HNF4A: variants seen among roughly 807,000 people sequenced by gnomAD.
HNF4A encodes the protein hepatocyte nuclear factor 4-alpha.
HNF4A carries 15 observed loss-of-function variants against 52.4 expected under a neutral mutation model. The observed-to-expected ratio is 0.29, with a 90% CI of 0.19 to 0.44. The LOEUF (loss-of-function observed/expected upper bound fraction) is 0.44. Among genes scored for constraint, HNF4A ranks in the 20% least tolerant of loss-of-function variants. HNF4A has a pLI of 1.00. For missense variants in HNF4A, 479 were observed against 647.2 expected (o/e 0.74, Z 2.82); for synonymous variants, 280 against 264.4 (o/e 1.06, Z -0.57).
chr20:44,413,746 C>T lies in HNF4A; in HGVS notation c.438C>T (p.Asp146=), dbSNP rs2063619661. 6.2e-7 allele frequency: 1 copy of T among 1,613,854 alleles called. No individual in the cohort carries two copies. The change falls in exon 4 of 10, where the codon GAC becomes GAT. Residue 146 remains aspartate (D), a synonymous_variant. Transcript: ENST00000316099. ...GCACTCGAAGGTCAAGCTATGAGGA[C>T]AGCAGCCTGCCCTCCATCAATGCGC...
chr20:44,382,501 C>A (rs2063168175), intron 1 of HNF4A, among the ~76,000 whole-genome samples: 1 of 152,050 alleles, frequency 6.6e-6, no homozygotes, highest in Non-Finnish European at 1.5e-5. Context: ...CCTCCCAAAG[C>A]GCCAGGATTA....
intron 1 of HNF4A, 81 bp from the exon 2 acceptor site, chr20:44,405,977 T>C: frequency 1.4e-6 from 2 of 1,380,462 alleles, no homozygotes; most frequent in South Asian, 2.3e-5. Flanking sequence ...GCCGAAGCCC[T>C]GGAGAGATCC....
chr20:44,418,695 G>C (rs1877166654), intron 6 of HNF4A, among the ~76,000 whole-genome samples, 183 bp downstream of exon 6: 1 of 152,248 alleles, frequency 6.6e-6, no homozygotes, highest in Non-Finnish European at 1.5e-5. Flanking sequence ...ACCCCACTCA[G>C]ATGCAAGGAA....
Position 44,429,771 on chromosome 20 carries a change from C to A in HNF4A, c.*106C>A. On this transcript the variant is annotated 3_prime_UTR_variant, in exon 10 of 10. Transcript: ENST00000316099. ...AGGAAGACGTGATGCCAGGACCAGT[C>A]CCAGAGCAGGAATGGGAAGGATGAA... is the stretch of plus-strand genomic sequence containing the variant. 1 of 1,197,624 alleles carries A rather than the reference C, an allele frequency of 8.3e-7. No homozygotes were observed. The highest frequency in any genetic ancestry group is 1.3e-5 in the South Asian group (1 of 77,696). The allele number at this position is 1,197,624 out of a possible 1,614,324, so 74.2% of individuals were successfully genotyped here.
chr20:44,410,416 G>A (rs527462129), intron 3 of HNF4A, among the ~76,000 whole-genome samples: 2 of 152,278 alleles, frequency 1.3e-5, no homozygotes, highest in East Asian at 3.9e-4. Flanking sequence ...GAGTGACAAA[G>A]TGTTCAGTTG....
Position 44,401,262 on chromosome 20 carries a change from A to G in HNF4A, c.-111A>G. On this transcript the variant is annotated 5_prime_UTR_variant, in exon 1 of 10. Transcript: ENST00000316099. The stretch of plus-strand genomic sequence containing the variant: ...GCAGATCTTCCCAGAGGACGGTTTG[A>G]AAGGAAGGCAGAGAGGGCACTGGGA... 1 of 1,585,846 alleles carries G rather than the reference A, an allele frequency of 6.3e-7. No homozygotes were observed. Among genetic ancestry groups the G allele is most frequent in the Non-Finnish European group, 8.5e-7 (1 of 1,170,506 alleles).
At chr20:44,407,550 T>A in intron 3 of HNF4A, 75 bp downstream of exon 3, 1 of 1,002,894 alleles carries the variant, frequency 1.0e-6, no homozygotes, top group Non-Finnish European at 1.5e-6. Context: ...CATTTACAAC[T>A]GTAGCCACAC....
chr20:44,407,190 G>A (rs2063512911), intron 2 of HNF4A, among the ~76,000 whole-genome samples, 191 bp from the exon 3 acceptor site: 1 of 152,194 alleles, frequency 6.6e-6, no homozygotes, highest in Admixed American at 6.5e-5. Context: ...CCCATGTTTA[G>A]CAGGACAGGA....
chr20:44,405,268 CAAATTTTTT>C (rs75182602), intron 1 of HNF4A, among the ~76,000 whole-genome samples: 28 of 151,226 alleles, frequency 1.9e-4, no homozygotes, highest in South Asian at 4.2e-4. Context: ...AATTTGGAAA[CAAATTTTTT>C]AAATTTTTTA....
At position 44,429,810 on chromosome 20, in the gene HNF4A, T is replaced by C. The variant is rs200905283; in HGVS notation, c.*145T>C. ...GGGAAGGATGAAGGGCCCGAGAACA[T>C]GGCCTAAGGGCCACATCCCACTGCC... is the stretch of plus-strand genomic sequence containing the variant. On this transcript the variant is annotated 3_prime_UTR_variant, in exon 10 of 10. Coordinates refer to ENST00000316099, the MANE Select transcript of HNF4A (RefSeq NM_000457.6). The C allele has an allele frequency of 4.8e-6, 4 of 834,460 alleles. No individual in the cohort carries two copies. In the African/African-American group the frequency reaches 6.8e-5, roughly 14 times the overall value. The allele number at this position is 834,460 out of a possible 1,614,324, so 51.7% of individuals were successfully genotyped here. A position where few individuals can be genotyped will look rare whatever the true frequency, so the allele number is the denominator to read the frequency against.
intron 1 of HNF4A, among the ~76,000 whole-genome samples, chr20:44,393,421 A>G (rs1258036972): frequency 2.6e-5 from 4 of 152,180 alleles, no homozygotes; most frequent in Non-Finnish European, 5.9e-5. Flanking sequence ...CATCTCCCAC[A>G]GTGCCCTGCT....
chr20:44,378,393 G>A (rs1382512808), intron 1 of HNF4A, among the ~76,000 whole-genome samples: 1 of 151,132 alleles, frequency 6.6e-6, no homozygotes, highest in South Asian at 2.1e-4. Context: ...TCAGCCTCCC[G>A]AGTAGCTGGG....
At chr20:44,407,963 G>A (rs1453322648) in intron 3 of HNF4A, among the ~76,000 whole-genome samples, 3 of 152,118 alleles carry the variant, frequency 2.0e-5, no homozygotes, top group South Asian at 2.1e-4. Flanking sequence ...TGGGTATCAC[G>A]TGATCTCCAA....
At chr20:44,382,995 C>G (rs1007820306) in intron 1 of HNF4A, among the ~76,000 whole-genome samples, 2 of 152,064 alleles carry the variant, frequency 1.3e-5, no homozygotes, top group African/African-American at 4.8e-5. Context: ...ATGGTGAAAT[C>G]CCATATCTAC....
Position 44,423,472 on chromosome 20 carries a change from A to G in HNF4A, c.893-546A>G, listed in dbSNP as rs8121608. 3.6e-3 allele frequency among the ~76,000 whole-genome samples: 554 copies of G among 152,346 alleles called. 3 individuals carry two copies. The highest frequency in any genetic ancestry group is 0.013 in the African/African-American group (524 of 41,582). On this transcript the variant is annotated intron_variant, in intron 7 of 9. Coordinates refer to ENST00000316099, the MANE Select transcript of HNF4A (RefSeq NM_000457.6). ...CAGGAGGGACACAGGATACAGATATAGGAGGGTAGAAGGCAGACTTCCTGG... is the reference window on the plus strand; with the variant it reads ...CAGGAGGGACACAGGATACAGATATGGGAGGGTAGAAGGCAGACTTCCTGG...
intron 1 of HNF4A, among the ~76,000 whole-genome samples, chr20:44,358,584 T>C (rs2062884020): frequency 6.6e-6 from 1 of 152,050 alleles, no homozygotes; most frequent in African/African-American, 2.4e-5. Flanking sequence ...CCACTCCAGC[T>C]TGGGCAGCAG....
chr20:44,403,553 T>C (rs540875894), intron 1 of HNF4A, among the ~76,000 whole-genome samples: 1 of 152,256 alleles, frequency 6.6e-6, no homozygotes, highest in South Asian at 2.1e-4. Context: ...CTCTGAAGTG[T>C]TTTGAGTACA....
rs761517690 is a variant in HNF4A, at chr20:44,428,352, C to A, written c.1147C>A (p.Pro383Thr). 1 of 1,614,090 alleles carries A rather than the reference C, an allele frequency of 6.2e-7. No individual in the cohort carries two copies. Among genetic ancestry groups the A allele is most frequent in the South Asian group, 1.1e-5 (1 of 91,088 alleles). Residue 383 changes from proline (P) to threonine (T), a missense_variant, in exon 9 of 10, where the codon CCC becomes ACC. Pro to Thr is a conservative substitution (Grantham distance 38). Around this residue, in one of 3 missense-constraint regions of HNF4A, gnomAD observed 389 missense variants for 525.1 expected, o/e 0.74. Transcript: ENST00000316099. ...ACCTGCAGGGTCCCCCAGCGATGCACCCCATGCCCACCACCCCCTGCACCC... is the reference window on the plus strand; with the variant it reads ...ACCTGCAGGGTCCCCCAGCGATGCAACCCATGCCCACCACCCCCTGCACCC...
chr20:44,423,722 A>T (rs1248932850), intron 7 of HNF4A, among the ~76,000 whole-genome samples: 1 of 152,214 alleles, frequency 6.6e-6, no homozygotes, highest in Non-Finnish European at 1.5e-5. Context: ...CGTGTGTAAG[A>T]TGAGGCGGTT....
Sources: allele counts gnomAD v4.1 joint callset (sites outside exome capture counted in the v4.1 genomes callset), GRCh38; gene constraint gnomAD v4.1.1; regional missense constraint gnomAD v4.1.1; transcripts MANE v1.5; gene names NCBI Gene and HGNC (gene_info 2026-07-23, HGNC 2026-07-21).